The following ARHGAP6 variants were observed in gnomAD, a reference collection of about 807,000 sequenced individuals.
ARHGAP6 encodes the protein rho GTPase-activating protein 6.
In ARHGAP6, 16 loss-of-function variants were observed where a neutral mutation model predicts 55.7. That is an observed-to-expected ratio of 0.29 (90% CI 0.19 to 0.44). The LOEUF (loss-of-function observed/expected upper bound fraction) is 0.44, where lower values mean the gene tolerates loss of function less well. Ranked by LOEUF, ARHGAP6 falls within the 20% of genes least tolerant of loss-of-function variation. ARHGAP6 has a pLI of 1.00. For synonymous variants in ARHGAP6, 382 were observed against 360.9 expected, an observed-to-expected ratio of 1.06 and a Z score of -0.66; for missense variants, 698 against 808.9, an observed-to-expected ratio of 0.86 and a Z score of 1.66.
At chrX:11,348,541 A>G (rs1275111190) in intron 1 of ARHGAP6, among the ~76,000 whole-genome samples, 1 of 112,368 alleles carries the variant, frequency 8.9e-6, no homozygotes, top group Admixed American at 9.4e-5. Flanking sequence ...ATCCAGCTCA[A>G]TCACTTAGCT....
chrX:11,477,311 T>G (rs1343688551), intron 1 of ARHGAP6, among the ~76,000 whole-genome samples: 1 of 111,563 alleles, frequency 9.0e-6, no homozygotes, highest in Admixed American at 9.5e-5. Context: ...ACCACTAAAC[T>G]TGCTAGAATT....
At chrX:11,481,504 T>TG (rs2050456270) in intron 1 of ARHGAP6, among the ~76,000 whole-genome samples, 1 of 111,862 alleles carries the variant, frequency 8.9e-6, no homozygotes, top group Admixed American at 9.4e-5. Flanking sequence ...ACAGGCAGAG[T>TG]GGGGACTCCA....
At chrX:11,655,572 T>C (rs113388759) in intron 1 of ARHGAP6, among the ~76,000 whole-genome samples, 5,998 of 112,246 alleles carry the variant, frequency 0.053, 153 homozygotes, top group African/African-American at 0.083. Flanking sequence ...ATTATGGCCA[T>C]CTTAGTGGGT....
chrX:11,560,057 T>C (rs916624351), intron 1 of ARHGAP6, among the ~76,000 whole-genome samples: 1 of 110,380 alleles, frequency 9.1e-6, no homozygotes, highest in Admixed American at 9.6e-5. Context: ...AAGTTCTCCA[T>C]GCTAAAAAAA....
intron 1 of ARHGAP6, among the ~76,000 whole-genome samples, chrX:11,627,693 A>G (rs927873364): frequency 3.6e-5 from 4 of 111,881 alleles, no homozygotes. Flanking sequence ...CATATTATCT[A>G]ATCTCTGGTC....
At chrX:11,328,982 A>C (rs937520801) in intron 1 of ARHGAP6, among the ~76,000 whole-genome samples, 4 of 112,373 alleles carry the variant, frequency 3.6e-5, no homozygotes, top group Non-Finnish European at 5.6e-5. Flanking sequence ...CTAATTCTGC[A>C]AAAGACAATC....
intron 1 of ARHGAP6, among the ~76,000 whole-genome samples, chrX:11,462,003 A>T (rs1392808011): frequency 8.9e-6 from 1 of 112,221 alleles, no homozygotes; most frequent in Non-Finnish European, 1.9e-5. Context: ...TCTTTTACCC[A>T]GCTGCCAACT....
At chrX:11,638,640 T>G (rs1266375155) in intron 1 of ARHGAP6, among the ~76,000 whole-genome samples, 1 of 111,086 alleles carries the variant, frequency 9.0e-6, no homozygotes, top group Non-Finnish European at 1.9e-5. Flanking sequence ...CCCTCCATAT[T>G]AAATGCAAGT....
chrX:11,191,092 A>G (rs769523620), intron 3 of ARHGAP6, among the ~76,000 whole-genome samples: 3 of 112,975 alleles, frequency 2.7e-5, no homozygotes, highest in African/African-American at 6.4e-5. Flanking sequence ...AATTATCCTA[A>G]TACTCTTAGG....
At chrX:11,188,203 T>C (rs1253310338) in intron 4 of ARHGAP6, among the ~76,000 whole-genome samples, 1 of 111,150 alleles carries the variant, frequency 9.0e-6, no homozygotes, top group Non-Finnish European at 1.9e-5. Context: ...TACTTAACAA[T>C]TGGTACCATA....
chrX:11,528,568 C>T (rs1050130363), intron 1 of ARHGAP6, among the ~76,000 whole-genome samples: 2 of 112,165 alleles, frequency 1.8e-5, no homozygotes, highest in Non-Finnish European at 3.8e-5. Flanking sequence ...TCCTTTTAAT[C>T]CACAGACTGT....
chrX:11,455,755 A>T (rs1304846197), intron 1 of ARHGAP6, among the ~76,000 whole-genome samples: 1 of 111,931 alleles, frequency 8.9e-6, no homozygotes, highest in Non-Finnish European at 1.9e-5. Context: ...TTGAAATAAG[A>T]TGACATGAGA....
chrX:11,225,961 C>A (rs1337597306), intron 2 of ARHGAP6, among the ~76,000 whole-genome samples: 2 of 109,390 alleles, frequency 1.8e-5, no homozygotes, highest in Non-Finnish European at 3.8e-5. Context: ...CACCAAACAA[C>A]AAATTCATTT....
intron 1 of ARHGAP6, among the ~76,000 whole-genome samples, chrX:11,649,615 T>A (rs1023523812): frequency 8.9e-6 from 1 of 111,980 alleles, no homozygotes; most frequent in Non-Finnish European, 1.9e-5. Context: ...TTCACCCAGA[T>A]CCTGCCTTTG....
chrX:11,210,046 A>G (rs746187436), intron 2 of ARHGAP6, among the ~76,000 whole-genome samples: 16 of 112,939 alleles, frequency 1.4e-4, no homozygotes, highest in Non-Finnish European at 2.4e-4. Flanking sequence ...GAGCTTGGCA[A>G]TTAGCAAGTG....
intron 2 of ARHGAP6, among the ~76,000 whole-genome samples, chrX:11,238,774 T>C (rs66511610): frequency 0.16 from 17,544 of 110,710 alleles, 1,081 homozygotes; most frequent in Middle Eastern, 0.27. Context: ...CTGAAAGCTA[T>C]ACTAGTGAGC....
chrX:11,204,432 G>A (rs1450650108), intron 2 of ARHGAP6, among the ~76,000 whole-genome samples: 3 of 111,777 alleles, frequency 2.7e-5, no homozygotes, highest in South Asian at 3.8e-4. Context: ...GGGAGACTGA[G>A]ACGATAACAT....
chrX:11,354,292 TCTTTC>T (rs1569311437), intron 1 of ARHGAP6, among the ~76,000 whole-genome samples: 11 of 69,473 alleles, frequency 1.6e-4, no homozygotes, highest in Non-Finnish European at 2.9e-4. Flanking sequence ...TCTCTCTCTC[TCTTTC>T]TCTCTCTCTC....
At chrX:11,528,661 T>C (rs1279824496) in intron 1 of ARHGAP6, among the ~76,000 whole-genome samples, 1 of 111,822 alleles carries the variant, frequency 8.9e-6, no homozygotes, top group African/African-American at 3.3e-5. Flanking sequence ...AAAAAACATA[T>C]TTCCCCAGCC....
Sources: gnomAD v4.1 joint callset for allele counts (sites outside exome capture counted in the v4.1 genomes callset) on GRCh38, gnomAD v4.1.1 for gene constraint, MANE v1.5 for transcripts, NCBI Gene and HGNC (gene_info 2026-07-23, HGNC 2026-07-21) for gene names.